The following PRMT8 variants were observed in gnomAD, a reference collection of about 807,000 sequenced individuals.
The protein encoded by PRMT8 is protein arginine N-methyltransferase 8.
PRMT8 carries 7 observed loss-of-function variants against 47.1 expected under a neutral mutation model. That is an observed-to-expected ratio of 0.15 (90% CI 0.08 to 0.28). The LOEUF (loss-of-function observed/expected upper bound fraction) is 0.28, where lower values mean the gene tolerates loss of function less well. Ranked by LOEUF, PRMT8 falls within the 10% of genes least tolerant of loss-of-function variation. PRMT8 has a pLI of 1.00. For synonymous variants in PRMT8, 188 were observed against 186.5 expected (o/e 1.01, Z -0.07); for missense variants, 237 against 505.4 (o/e 0.47, Z 5.09).
chr12:3,539,607 C>T (rs963466094), intron 1 of PRMT8, among the ~76,000 whole-genome samples: 3 of 152,338 alleles, frequency 2.0e-5, no homozygotes, highest in East Asian at 1.9e-4. Context: ...GGCATAACTG[C>T]TTCTGTTGCA....
chr12:3,515,041 T>TA (rs57741295), intron 1 of PRMT8, among the ~76,000 whole-genome samples: 15,752 of 152,212 alleles, frequency 0.1, 1,029 homozygotes, highest in African/African-American at 0.18. Context: ...TTTTAAATCC[T>TA]AAAAAAATCC....
Position 3,580,036 on chromosome 12 carries a change from T to C in PRMT8, c.829-3022T>C, listed in dbSNP as rs4765740. Among the ~76,000 whole-genome samples the C allele has an allele frequency of 4.0e-5, 6 of 151,806 alleles. No homozygotes were observed. The highest frequency in any genetic ancestry group is 4.8e-5 in the African/African-American group (2 of 41,266). ...TGATTTGGTTGGGGGTTGGGGAACC[T>C]GAGCCCAGAGGACCTTTGTGTTTTT... On this transcript the variant is annotated intron_variant, in intron 7 of 9. Transcript: ENST00000382622. The surrounding 1 kb of genome is among the most constrained non-coding windows in gnomAD (Gnocchi z 4.6).
At chr12:3,467,500 A>T (rs1278482507) in intron 1 of PRMT8, among the ~76,000 whole-genome samples, 2 of 145,910 alleles carry the variant, frequency 1.4e-5, no homozygotes, top group Non-Finnish European at 3.0e-5. Flanking sequence ...AACCACAGAG[A>T]CGAGGTTGAG....
chr12:3,414,996 A>C (rs1266212280), intron 1 of PRMT8, among the ~76,000 whole-genome samples: 1 of 152,098 alleles, frequency 6.6e-6, no homozygotes, highest in East Asian at 1.9e-4. Flanking sequence ...TTCCAGGCTT[A>C]AGGGTGGGGT....
chr12:3,431,588 G>C (rs4531553), intron 1 of PRMT8, among the ~76,000 whole-genome samples: 25,639 of 151,980 alleles, frequency 0.17, 2,371 homozygotes, highest in African/African-American at 0.23. Context: ...ACAAGGGAAT[G>C]GCATCCCAGA....
chr12:3,523,061 C>A (rs1301425952), intron 1 of PRMT8, among the ~76,000 whole-genome samples: 3 of 152,048 alleles, frequency 2.0e-5, no homozygotes, highest in East Asian at 1.9e-4. Context: ...CTCCACCCCC[C>A]AAACCATAAA....
chr12:3,426,297 A>G (rs1202090468), intron 1 of PRMT8, among the ~76,000 whole-genome samples: 1 of 152,232 alleles, frequency 6.6e-6, no homozygotes, highest in African/African-American at 2.4e-5. Flanking sequence ...TTAACTGCCA[A>G]AGTTTGTTTT....
At chr12:3,567,432 G>C (rs1372128519) in intron 4 of PRMT8, among the ~76,000 whole-genome samples, 1 of 152,190 alleles carries the variant, frequency 6.6e-6, no homozygotes, top group Non-Finnish European at 1.5e-5. Flanking sequence ...GCACCCATTT[G>C]GTATTGAGCC....
chr12:3,540,191 A>G (rs2137163914), intron 1 of PRMT8, among the ~76,000 whole-genome samples: 1 of 150,484 alleles, frequency 6.6e-6, no homozygotes, highest in South Asian at 2.1e-4. Context: ...TAGCTGGGAA[A>G]TGGCAGAGCT....
rs2137058603 is a variant in PRMT8 at position 3,416,287 on chromosome 12, T to C, written c.48+34845T>C. On this transcript the variant is annotated intron_variant, in intron 1 of 9. Coordinates refer to the PRMT8 transcript ENST00000452611. ...AAGAGATTTTTTTCCACTCCCTCTC[T>C]CCTACCTGAAATCTACCTACCCCTC... Among the ~76,000 whole-genome samples, 7 of 152,270 alleles carry C rather than the reference T, an allele frequency of 4.6e-5. 1 individual carries two copies. In the South Asian group the frequency reaches 1.5e-3, roughly 32 times the overall value.
At chr12:3,488,712 T>C (rs1865344655), upstream of PRMT8, among the ~76,000 whole-genome samples, 1 of 152,234 alleles carries the variant, frequency 6.6e-6, no homozygotes, top group East Asian at 1.9e-4. Flanking sequence ...GGTGAAAGAC[T>C]ATGCTAATAT....
rs1006996275 is a variant in PRMT8, at chr12:3,570,354, C to T, written c.712+790C>T. Among the ~76,000 whole-genome samples the T allele has an allele frequency of 6.6e-6, 1 of 152,176 alleles. No individual in the cohort carries two copies. Among genetic ancestry groups the T allele is most frequent in the Non-Finnish European group, 1.5e-5 (1 of 68,026 alleles). On this transcript the variant is annotated intron_variant, in intron 6 of 9. Transcript: ENST00000382622. The surrounding 1 kb of genome is among the most constrained non-coding windows in gnomAD (Gnocchi z 5.5). The stretch of plus-strand genomic sequence containing the variant: ...CCAAACATGTTTTTGTAAAGTTGAA[C>T]ATGGCTGTGTCTCCTCAACCAGAAC...
chr12:3,403,507 C>G (rs1426316243), intron 1 of PRMT8, among the ~76,000 whole-genome samples: 1 of 151,152 alleles, frequency 6.6e-6, no homozygotes, highest in Non-Finnish European at 1.5e-5. Context: ...GATCCAGCAT[C>G]TAGGAATTTC....
At chr12:3,489,895 T>C (rs902453366), upstream of PRMT8, among the ~76,000 whole-genome samples, 3 of 152,006 alleles carry the variant, frequency 2.0e-5, no homozygotes, top group African/African-American at 7.2e-5. Flanking sequence ...TTCTCATTCT[T>C]CATCCTCTCC....
At chr12:3,398,062 G>A (rs200061709) in intron 1 of PRMT8, among the ~76,000 whole-genome samples, 3 of 152,236 alleles carry the variant, frequency 2.0e-5, no homozygotes, top group East Asian at 3.9e-4. Flanking sequence ...GCCCTGCTTC[G>A]GCTCGCGCAC....
At chr12:3,515,635 G>A (rs1865779448) in intron 1 of PRMT8, among the ~76,000 whole-genome samples, 1 of 152,254 alleles carries the variant, frequency 6.6e-6, no homozygotes, top group Non-Finnish European at 1.5e-5. Context: ...ATGCTGGCTT[G>A]ACAGCCACCA....
rs76718345 is a variant in PRMT8, at chr12:3,537,758, A to G, written c.76-2848A>G. 2.9e-3 allele frequency among the ~76,000 whole-genome samples: 448 copies of G among 152,156 alleles called. 6 individuals are homozygous for G. In the East Asian group the frequency reaches 0.058, roughly 20 times the overall value. On this transcript the variant is annotated intron_variant, in intron 1 of 9. Coordinates refer to ENST00000382622, the MANE Select transcript of PRMT8 (RefSeq NM_019854.5). ...TCAGTTGCCAAAGCCTGTAGAGTCTATTTCTGCACTTTCTCTGGCAGGCAG... is the reference window on the plus strand; with the variant it reads ...TCAGTTGCCAAAGCCTGTAGAGTCTGTTTCTGCACTTTCTCTGGCAGGCAG...
At chr12:3,397,541 A>AT (rs1864267124) in intron 1 of PRMT8, among the ~76,000 whole-genome samples, 2 of 151,140 alleles carry the variant, frequency 1.3e-5, no homozygotes, top group Non-Finnish European at 2.9e-5. Flanking sequence ...GGGGTCAGGG[A>AT]CCCACTTGAG....
chr12:3,460,772 G>T (rs1226649756), intron 1 of PRMT8, among the ~76,000 whole-genome samples: 1 of 152,186 alleles, frequency 6.6e-6, no homozygotes, highest in Non-Finnish European at 1.5e-5. Context: ...GCCCAAGCTT[G>T]TCACCACCAT....
Sources: gnomAD v4.1 joint callset for allele counts (sites outside exome capture counted in the v4.1 genomes callset) on GRCh38, gnomAD v4.1.1 for gene constraint, Gnocchi (gnomAD v3.1) non-coding constraint, MANE v1.5 for transcripts, NCBI Gene and HGNC (gene_info 2026-07-23, HGNC 2026-07-21) for gene names.